CPAMD8: variants seen among roughly 807,000 people sequenced by gnomAD.
CPAMD8 encodes C3 and PZP like alpha-2-macroglobulin domain containing 8, also known as C3 and PZP-like alpha-2-macroglobulin domain-containing protein 8.
In CPAMD8, 146 loss-of-function variants were observed where a neutral mutation model predicts 224.7. The observed-to-expected ratio is 0.65, with a 90% CI of 0.57 to 0.75. CPAMD8 has a LOEUF of 0.75. Among genes scored for constraint, CPAMD8 ranks in the 30% least tolerant of loss-of-function variants. CPAMD8 has a pLI of 0.00. For synonymous variants in CPAMD8, 966 were observed against 1,044.6 expected, an observed-to-expected ratio of 0.92 and a Z score of 1.45; for missense variants, 2,301 against 2,537.5, an observed-to-expected ratio of 0.91 and a Z score of 2.00.
Position 16,997,289 on chromosome 19 carries a change from G to C in CPAMD8, c.917C>G (p.Ala306Gly). The C allele has an allele frequency of 6.3e-7, 1 of 1,583,460 alleles. No individual in the cohort carries two copies. The change falls in exon 11 of 42, where the codon GCG (alanine) becomes GGG (glycine). Residue 306 changes from alanine (A) to glycine (G), a missense_variant. By Grantham distance (60) the Ala-to-Gly change is moderately conservative (BLOSUM62 0). Coordinates refer to ENST00000443236, the MANE Select transcript of CPAMD8 (RefSeq NM_015692.5). ...FDICVRDMIP[A>G]DVPEHFRGRV... ...GCCCCGGAAGTGCTCAGGGACGTCC[G>C]CTGGGATCATGTCCCTCACGCAGAT... is the stretch of plus-strand genomic sequence containing the variant.
chr19:16,945,783 G>A (rs936860335), intron 21 of CPAMD8, 104 bp from the exon 22 acceptor site: 1 of 1,032,364 alleles, frequency 9.7e-7, no homozygotes, highest in Admixed American at 1.8e-5. Context: ...ATGCATGTGT[G>A]TGTGTGTGCA....
At chr19:16,917,474 G>A (rs554571238) in intron 27 of CPAMD8, among the ~76,000 whole-genome samples, 2 of 152,092 alleles carry the variant, frequency 1.3e-5, no homozygotes, top group African/African-American at 2.4e-5. Flanking sequence ...ATGGCCGGGC[G>A]AGGTGGCTCA....
At position 16,980,635 on chromosome 19, in the gene CPAMD8, TA is replaced by T. The variant is rs2055478471; in HGVS notation, c.1446del (p.Phe482LeufsTer41). 3 of 1,596,278 alleles carry T rather than the reference TA, an allele frequency of 1.9e-6. No homozygotes were observed. Among genetic ancestry groups the T allele is most frequent in the Non-Finnish European group, 2.6e-6 (3 of 1,172,612 alleles). Reference protein sequence around the residue: ...FSVKSTCPCNFTLYYEVAARG... With the variant: ...FSVKSTCPCNXTLYYEVAARG... Reference sequence around the variant, plus strand: ...CGTGCAGCCACCTCGTAGTACAGGGTAAAGTTGCAGGGACATGTGGACTTCA... The same window carrying T: ...CGTGCAGCCACCTCGTAGTACAGGGTAAGTTGCAGGGACATGTGGACTTCA... On this transcript the variant is annotated frameshift_variant, in exon 14 of 42. Coordinates refer to ENST00000443236, the MANE Select transcript of CPAMD8 (RefSeq NM_015692.5). LOFTEE classifies it high-confidence loss of function.
chr19:16,981,484 T>C (rs559330728), intron 13 of CPAMD8, among the ~76,000 whole-genome samples: 42 of 152,318 alleles, frequency 2.8e-4, no homozygotes, highest in African/African-American at 9.6e-4. Context: ...CCCAAGTTCC[T>C]AGAGGGGAAA....
chr19:16,894,484 G>A, intron 41 of CPAMD8: 2 of 456,548 alleles, frequency 4.4e-6, no homozygotes, highest in Non-Finnish European at 4.4e-6. Context: ...CAGGACTTCG[G>A]GATGGGACCC....
chr19:16,945,828 C>T (rs943007297), intron 21 of CPAMD8, 149 bp from the exon 22 acceptor site: 1 of 751,818 alleles, frequency 1.3e-6, no homozygotes, highest in Non-Finnish European at 2.3e-6. Context: ...TGCATGCATG[C>T]AAGTGTGTAT....
intron 18 of CPAMD8, among the ~76,000 whole-genome samples, chr19:16,958,824 A>T (rs1599783839): frequency 2.9e-5 from 4 of 135,700 alleles, no homozygotes; most frequent in Admixed American, 7.7e-5. Context: ...TTTGAGATGG[A>T]GTTTCCTTCT....
At chr19:16,919,685 C>T (rs139643394) in intron 27 of CPAMD8, among the ~76,000 whole-genome samples, 2 of 152,240 alleles carry the variant, frequency 1.3e-5, no homozygotes, top group African/African-American at 2.4e-5. Context: ...CTTTCTCCTG[C>T]ACTGGGCAGC....
At chr19:16,959,839 T>A (rs1441702815) in intron 18 of CPAMD8, among the ~76,000 whole-genome samples, 1 of 152,192 alleles carries the variant, frequency 6.6e-6, no homozygotes, top group East Asian at 1.9e-4. Flanking sequence ...ACGCCCGGCC[T>A]GCATGTGTAT....
chr19:16,909,669 G>A (rs977405271), intron 29 of CPAMD8, among the ~76,000 whole-genome samples: 13 of 151,816 alleles, frequency 8.6e-5, no homozygotes, highest in African/African-American at 2.7e-4. Context: ...CCTTGAACCC[G>A]GGAGGCAGAG....
At position 16,897,722 on chromosome 19, in the gene CPAMD8, G is replaced by T; in HGVS notation, c.5034C>A (p.Asn1678Lys). The T allele has an allele frequency of 6.4e-7, 1 of 1,563,698 alleles. No individual in the cohort carries two copies. Residue 1678 changes from asparagine to lysine, a missense_variant, in exon 39 of 42, where the codon AAC (asparagine) becomes AAA (lysine). Coordinates refer to ENST00000443236, the MANE Select transcript of CPAMD8 (RefSeq NM_015692.5). ...ARELCAGPAC[N>K]EVERAPARGP... Reference sequence around the variant, plus strand: ...CCCGGGCAGGGGCGCGCTCCACTTCGTTGCACGCGGGTCCGGCGCACAGTT... The same window carrying T: ...CCCGGGCAGGGGCGCGCTCCACTTCTTTGCACGCGGGTCCGGCGCACAGTT...
chr19:16,897,810 C>A lies in CPAMD8; in HGVS notation c.4955-9G>T, dbSNP rs114146619. 5,202 of 1,577,830 alleles carry A rather than the reference C, an allele frequency of 3.3e-3. 130 individuals are homozygous for A. In the African/African-American group the frequency reaches 0.061, roughly 19 times the overall value. ...GCGAGTGGCCTCGAAGGCTACGGGA[C>A]GAGGGTGGCGGGTGACCAAGTGCAG... is the stretch of plus-strand genomic sequence containing the variant. On this transcript the variant is annotated splice_polypyrimidine_tract_variant and intron_variant, in intron 38 of 41. Coordinates refer to ENST00000443236, the MANE Select transcript of CPAMD8 (RefSeq NM_015692.5).
intron 25 of CPAMD8, among the ~76,000 whole-genome samples, chr19:16,927,433 T>C (rs567517896): frequency 7.9e-5 from 12 of 152,226 alleles, no homozygotes; most frequent in East Asian, 5.8e-4. Context: ...TCTTTTTCTT[T>C]ATAAATTACC....
chr19:16,989,828 T>C (rs2055877411), intron 12 of CPAMD8, 57 bp from the exon 13 acceptor site: 1 of 1,551,204 alleles, frequency 6.4e-7, no homozygotes, highest in African/African-American at 1.4e-5. Context: ...AAAGGGGGTC[T>C]TGGGGATGCT....
Position 17,008,565 on chromosome 19 carries a change from G to C in CPAMD8, c.505-6C>G. 6.2e-7 allele frequency: 1 copy of C among 1,614,086 alleles called. No homozygotes were observed. Among genetic ancestry groups the C allele is most frequent in the South Asian group, 1.1e-5 (1 of 91,066 alleles). ...ATCCGAGAGCCTCGGGGGTCCTGTT[G>C]GTGGTGGAGGGGGACAGACACACGG... is the stretch of plus-strand genomic sequence containing the variant. On this transcript the variant is annotated splice_polypyrimidine_tract_variant and splice_region_variant and intron_variant, in intron 6 of 41. Transcript: ENST00000443236.
intron 7 of CPAMD8, among the ~76,000 whole-genome samples, chr19:17,005,525 T>G (rs1488837572): frequency 6.6e-6 from 1 of 152,074 alleles, no homozygotes; most frequent in African/African-American, 2.4e-5. Context: ...CGCCTGTGCC[T>G]CTGAGCCCCG....
At chr19:16,925,027 C>A (rs530674412) in intron 26 of CPAMD8, among the ~76,000 whole-genome samples, 169 bp downstream of exon 26, 1 of 152,222 alleles carries the variant, frequency 6.6e-6, no homozygotes. Flanking sequence ...AGACATCAGG[C>A]TCCTGCTGAC....
chr19:16,955,151 T>G (rs2054426920), intron 19 of CPAMD8, among the ~76,000 whole-genome samples: 1 of 151,138 alleles, frequency 6.6e-6, no homozygotes, highest in African/African-American at 2.4e-5. Flanking sequence ...CAAAAATAGC[T>G]GGGCATGGTG....
In CPAMD8 at chr19:17,026,698, C is replaced by T; in HGVS notation, c.-56G>A. The T allele has an allele frequency of 7.7e-7, 1 of 1,297,518 alleles. No homozygotes were observed. The highest frequency in any genetic ancestry group is 9.8e-7 in the Non-Finnish European group (1 of 1,025,236). 80.4% of individuals were successfully genotyped at this position (1,297,518 alleles called of 1,614,324 possible). ...GGAGGGGGCCGGGCCAGGGCTGGGC[C>T]AGGGCCAGGGTCCGAGCGCGGCCGT... On this transcript the variant is annotated 5_prime_UTR_variant, in exon 1 of 42. The change creates a premature stop within an existing upstream ORF in the 5' untranslated region. Coordinates refer to ENST00000443236, the MANE Select transcript of CPAMD8 (RefSeq NM_015692.5).
Sources: gnomAD v4.1 joint callset for allele counts (sites outside exome capture counted in the v4.1 genomes callset) on GRCh38, gnomAD v4.1.1 for gene constraint, MANE v1.5 for transcripts, NCBI Gene and HGNC (gene_info 2026-07-23, HGNC 2026-07-21) for gene names.